Variants in CFDP1 observed in about 807,000 individuals in gnomAD.
CFDP1 encodes the protein heterochromatin-stabilizing protein CFDP1.
A neutral mutation model predicts 40.1 loss-of-function variants in CFDP1; 31 were observed. The observed-to-expected ratio is 0.77, with a 90% CI of 0.58 to 1.04. The LOEUF (loss-of-function observed/expected upper bound fraction) is 1.04. Ranked by LOEUF, CFDP1 falls within the 50% of genes least tolerant of loss-of-function variation. The pLI, the probability that CFDP1 is intolerant of heterozygous loss-of-function variation, is 0.00. For missense variants in CFDP1, 423 were observed against 343.4 expected, an observed-to-expected ratio of 1.23 and a Z score of -1.83; for synonymous variants, 167 against 120.0, an observed-to-expected ratio of 1.39 and a Z score of -2.56.
At chr16:75,405,163 G>A (rs2079087612) in intron 4 of CFDP1, among the ~76,000 whole-genome samples, 1 of 152,164 alleles carries the variant, frequency 6.6e-6, no homozygotes, top group Non-Finnish European at 1.5e-5. Context: ...TTTGCAAGGT[G>A]AGTCACATGT....
At chr16:75,348,089 G>A (rs1216380342) in intron 5 of CFDP1, among the ~76,000 whole-genome samples, 2 of 152,290 alleles carry the variant, frequency 1.3e-5, no homozygotes, top group South Asian at 4.1e-4. Context: ...GAAGTCTATC[G>A]TTTAGTTAAT....
intron 5 of CFDP1, among the ~76,000 whole-genome samples, chr16:75,392,802 T>C (rs4243113): frequency 0.93 from 141,287 of 152,312 alleles, 65,565 homozygotes; most frequent in East Asian, 1. Flanking sequence ...AAGTACTTGC[T>C]TAGAGTATTA....
chr16:75,333,117 A>G (rs1597337229), intron 5 of CFDP1, among the ~76,000 whole-genome samples: 1 of 96,066 alleles, frequency 1.0e-5, no homozygotes, highest in South Asian at 3.1e-4. Context: ...CAGCCTACTC[A>G]TGTTCTTTTT....
intron 5 of CFDP1, among the ~76,000 whole-genome samples, chr16:75,306,806 C>T (rs2078260220): frequency 1.3e-5 from 2 of 151,940 alleles, no homozygotes; most frequent in Admixed American, 6.6e-5. Context: ...TCTTTATGAG[C>T]TTTCAATTCA....
intron 5 of CFDP1, among the ~76,000 whole-genome samples, chr16:75,340,709 T>A (rs1027941506): frequency 6.6e-6 from 1 of 152,236 alleles, no homozygotes; most frequent in African/African-American, 2.4e-5. Flanking sequence ...GACGCTCTAC[T>A]TCTCTGTCAC....
intron 5 of CFDP1, among the ~76,000 whole-genome samples, chr16:75,380,606 T>C (rs1332538271): frequency 1.3e-5 from 2 of 151,826 alleles, no homozygotes; most frequent in Non-Finnish European, 2.9e-5. Context: ...AGAAAGTGTA[T>C]CTAAGCTTTT....
chr16:75,368,960 T>C (rs1346821985), intron 5 of CFDP1, among the ~76,000 whole-genome samples: 1 of 152,158 alleles, frequency 6.6e-6, no homozygotes, highest in African/African-American at 2.4e-5. Flanking sequence ...TTTCAATAAC[T>C]TAAAGAAAGT....
At chr16:75,303,541 T>G (rs1049741863) in intron 6 of CFDP1, among the ~76,000 whole-genome samples, 1 of 137,202 alleles carries the variant, frequency 7.3e-6, no homozygotes, top group Non-Finnish European at 1.6e-5. Flanking sequence ...ATTAATAAAC[T>G]GAATGAGCTG....
At chr16:75,400,065 C>CACT (rs2079036485) in intron 4 of CFDP1, among the ~76,000 whole-genome samples, 1 of 139,956 alleles carries the variant, frequency 7.1e-6, no homozygotes, top group Admixed American at 7.5e-5. Flanking sequence ...CGTGCCATTG[C>CACT]ACTCCAGCCT....
At chr16:75,351,520 T>A (rs11862095) in intron 5 of CFDP1, among the ~76,000 whole-genome samples, 77,522 of 151,988 alleles carry the variant, frequency 0.51, 20,850 homozygotes, top group Admixed American at 0.64. Context: ...ATTTGTCAAA[T>A]ATAAAACACT....
At chr16:75,366,766 G>A (rs1331995506) in intron 5 of CFDP1, among the ~76,000 whole-genome samples, 3 of 152,228 alleles carry the variant, frequency 2.0e-5, no homozygotes, top group Admixed American at 6.5e-5. Context: ...TTCTGGGGCT[G>A]AAGATGGGAG....
intron 4 of CFDP1, among the ~76,000 whole-genome samples, chr16:75,397,277 G>C (rs759198323): frequency 6.6e-6 from 1 of 151,682 alleles, no homozygotes; most frequent in Non-Finnish European, 1.5e-5. Flanking sequence ...CATTTTGGGA[G>C]GCCAAAGTGG....
rs2078823097 is a variant in CFDP1 at position 75,378,582 on chromosome 16, G to A, written c.650+16508C>T. ...TACCAGGCTGGACACATACAAAAAA[G>A]ACAAAATCTACGCCTTCAAGCTCAC... On this transcript the variant is annotated intron_variant, in intron 5 of 6. Transcript: ENST00000283882. Among the ~76,000 whole-genome samples, 5 of 152,064 alleles carry A rather than the reference G, an allele frequency of 3.3e-5. No individual in the cohort carries two copies. The South Asian group carries it at 1.0e-3, about 32-fold the overall frequency.
intron 5 of CFDP1, among the ~76,000 whole-genome samples, chr16:75,310,235 AAG>A (rs1205516426): frequency 1.3e-5 from 2 of 152,184 alleles, no homozygotes; most frequent in African/African-American, 4.8e-5. Context: ...TCCATGCCAT[AAG>A]AGAGAGTGGC....
At chr16:75,339,989 A>G (rs748716642) in intron 5 of CFDP1, among the ~76,000 whole-genome samples, 1 of 152,084 alleles carries the variant, frequency 6.6e-6, no homozygotes, top group African/African-American at 2.4e-5. Context: ...ACTTTTTATG[A>G]TTTTTCTGGT....
chr16:75,416,691 T>C (rs182611445), intron 1 of CFDP1, among the ~76,000 whole-genome samples: 3 of 152,058 alleles, frequency 2.0e-5, no homozygotes, highest in East Asian at 3.9e-4. Context: ...AAAGCTAGAG[T>C]GAGCCAAGAT....
chr16:75,318,619 T>C (rs1359488418), intron 5 of CFDP1, among the ~76,000 whole-genome samples: 1 of 152,106 alleles, frequency 6.6e-6, no homozygotes, highest in African/African-American at 2.4e-5. Flanking sequence ...TTAGCCAGGA[T>C]GGTCTCGATC....
intron 6 of CFDP1, among the ~76,000 whole-genome samples, chr16:75,301,536 C>CTTTTTTTTTTTTTTTTTTTTTTTTT (rs546724752): frequency 5.6e-5 from 3 of 53,938 alleles, no homozygotes; most frequent in African/African-American, 1.4e-4. Flanking sequence ...TTTGTTGTGT[C>CTTTTTTTTTTTTTTTTTTTTTTTTT]TTTTTTTTTT....
At chr16:75,323,448 T>A (rs534454796) in intron 5 of CFDP1, among the ~76,000 whole-genome samples, 12 of 151,652 alleles carry the variant, frequency 7.9e-5, no homozygotes, top group Admixed American at 1.3e-4. Context: ...TTTTTTTTTT[T>A]AACAAGTAGA....
Sources: gnomAD v4.1 joint callset for allele counts (sites outside exome capture counted in the v4.1 genomes callset) on GRCh38, gnomAD v4.1.1 for gene constraint, MANE v1.5 for transcripts, NCBI Gene and HGNC (gene_info 2026-07-23, HGNC 2026-07-21) for gene names.